CAST: variants seen among roughly 807,000 people sequenced by gnomAD.
CAST encodes the protein MIR583 host.
Under a neutral mutation model 119.6 loss-of-function variants are expected in CAST, and 76 were observed. The ratio of observed to expected loss-of-function variants is 0.64; its 90% CI spans 0.53 to 0.77. The LOEUF (loss-of-function observed/expected upper bound fraction) is 0.77, where lower values mean the gene tolerates loss of function less well. Among genes scored for constraint, CAST ranks in the 30% least tolerant of loss-of-function variants. CAST has a pLI of 0.00. For missense variants in CAST, 953 were observed against 946.5 expected, an observed-to-expected ratio of 1.01 and a Z score of -0.09; for synonymous variants, 319 against 331.6, an observed-to-expected ratio of 0.96 and a Z score of 0.41.
At chr5:96,474,105 A>C in the CAST span, among the ~76,000 whole-genome samples, 38,125 of 152,156 alleles carry the variant, frequency 0.25, 4,964 homozygotes, top group East Asian at 0.42. Flanking sequence ...CATGTGGATC[A>C]GTTAGGGCTT....
chr5:96,136,157 T>C, the CAST span, among the ~76,000 whole-genome samples: 1 of 152,212 alleles, frequency 6.6e-6, no homozygotes, highest in African/African-American at 2.4e-5. Context: ...CCCCTATTTA[T>C]GTATTTCTTC....
At chr5:96,519,627 G>A in the CAST span, among the ~76,000 whole-genome samples, 1 of 152,070 alleles carries the variant, frequency 6.6e-6, no homozygotes, top group Non-Finnish European at 1.5e-5. Context: ...TTTTCTTCAA[G>A]ATGGTGTCTC....
the CAST span, among the ~76,000 whole-genome samples, chr5:96,295,397 A>G: frequency 6.0e-3 from 914 of 152,352 alleles, 5 homozygotes; most frequent in Non-Finnish European, 9.9e-3. Flanking sequence ...TGAGGACTTT[A>G]TGCCCTGGGC....
chr5:96,628,923 A>G (rs1747772104), intron 1 of CAST, among the ~76,000 whole-genome samples: 1 of 152,204 alleles, frequency 6.6e-6, no homozygotes. Context: ...TGATGCACAT[A>G]CTTGCTGTGG....
the CAST span, among the ~76,000 whole-genome samples, chr5:95,991,161 A>G: frequency 6.6e-6 from 1 of 152,220 alleles, no homozygotes; most frequent in Non-Finnish European, 1.5e-5. Flanking sequence ...TAATTTTCAT[A>G]AAGAATTAAA....
At chr5:96,476,544 CCTTT>C in the CAST span, among the ~76,000 whole-genome samples, 1 of 152,100 alleles carries the variant, frequency 6.6e-6, no homozygotes, top group South Asian at 2.1e-4. Context: ...TTTGACTCGG[CCTTT>C]CTTGTTCTTT....
At chr5:96,225,025 T>C in the CAST span, among the ~76,000 whole-genome samples, 1 of 152,246 alleles carries the variant, frequency 6.6e-6, no homozygotes, top group African/African-American at 2.4e-5. Context: ...CCACCCATCA[T>C]GTTGGCAGGC....
At chr5:96,566,936 T>C (rs1422447832) in intron 1 of CAST, among the ~76,000 whole-genome samples, 1 of 152,256 alleles carries the variant, frequency 6.6e-6, no homozygotes, top group Non-Finnish European at 1.5e-5. Context: ...TTGTTTCAAA[T>C]GTACTTGTTT....
At chr5:96,673,130 C>A (rs763480196) in intron 1 of CAST, among the ~76,000 whole-genome samples, 2 of 151,956 alleles carry the variant, frequency 1.3e-5, no homozygotes, top group African/African-American at 2.4e-5. Context: ...TAGTAAACAC[C>A]CAATAAAACA....
the CAST span, among the ~76,000 whole-genome samples, chr5:96,445,301 G>A: frequency 2.3e-3 from 344 of 152,304 alleles, 1 homozygote; most frequent in African/African-American, 7.9e-3. Flanking sequence ...CCATGGTGGT[G>A]TGTACCTGTG....
the CAST span, chr5:96,421,882 G>A: frequency 2.0e-6 from 3 of 1,495,066 alleles, no homozygotes; most frequent in Non-Finnish European, 1.9e-6. Flanking sequence ...TTACTCACTT[G>A]TTCTCGTTTG....
the CAST span, among the ~76,000 whole-genome samples, chr5:96,019,173 TC>T: frequency 6.6e-6 from 1 of 152,166 alleles, no homozygotes; most frequent in Non-Finnish European, 1.5e-5. Context: ...CATTAACACT[TC>T]CCGGTGATAT....
chr5:96,654,119 A>G (rs1222044224), intron 1 of CAST, among the ~76,000 whole-genome samples: 1 of 148,650 alleles, frequency 6.7e-6, no homozygotes, highest in Non-Finnish European at 1.5e-5. Flanking sequence ...CGCCTCCCGG[A>G]TTCAAGGAAT....
chr5:95,994,842 A>C, the CAST span, among the ~76,000 whole-genome samples: 1 of 152,196 alleles, frequency 6.6e-6, no homozygotes, highest in Non-Finnish European at 1.5e-5. Flanking sequence ...CCATAAATGG[A>C]AAAGTCAGAA....
intron 3 of CAST, among the ~76,000 whole-genome samples, chr5:96,715,755 A>G (rs536865076): frequency 6.6e-6 from 1 of 152,310 alleles, no homozygotes; most frequent in African/African-American, 2.4e-5. Flanking sequence ...CCTCAGAAAT[A>G]GTCTCCCTCT....
At chr5:96,467,183 G>T in the CAST span, among the ~76,000 whole-genome samples, 1 of 151,120 alleles carries the variant, frequency 6.6e-6, no homozygotes, top group South Asian at 2.1e-4. Context: ...TATTGGTTTT[G>T]CCCCTTTGTC....
In CAST at chr5:96,727,353, GATA is replaced by G. The variant is rs1305272751; in HGVS notation, c.337-133_337-131del. ...CAAGCAAAGTGTAACAAACTTAACT[GATA>G]ATGTTTATAATTACATTAAAAATCA... On this transcript the variant is annotated intron_variant, in intron 5 of 31. Coordinates refer to ENST00000675179, the MANE Select transcript of CAST (RefSeq NM_001750.7). The G allele has an allele frequency of 7.6e-6, 4 of 524,298 alleles. No homozygotes were observed. In the Admixed American group the frequency reaches 1.5e-4, roughly 20 times the overall value. 32.5% of individuals were successfully genotyped at this position (524,298 alleles called of 1,614,324 possible).
the CAST span, among the ~76,000 whole-genome samples, chr5:96,091,974 C>G: frequency 6.6e-6 from 1 of 152,206 alleles, no homozygotes; most frequent in Non-Finnish European, 1.5e-5. Flanking sequence ...CAGGGAAGGT[C>G]TTTCCCTTTA....
the CAST span, among the ~76,000 whole-genome samples, chr5:95,976,728 A>AG: frequency 1.3e-5 from 2 of 152,034 alleles, no homozygotes; most frequent in African/African-American, 4.8e-5. Flanking sequence ...TTCTTACTCA[A>AG]GTGTGTTTTT....
Sources: gnomAD v4.1 joint callset for allele counts (sites outside exome capture counted in the v4.1 genomes callset) on GRCh38, gnomAD v4.1.1 for gene constraint, MANE v1.5 for transcripts, NCBI Gene and HGNC (gene_info 2026-07-23, HGNC 2026-07-21) for gene names.